KCNIP4: variants seen among roughly 807,000 people sequenced by gnomAD.
The protein encoded by KCNIP4 is potassium voltage-gated channel interacting protein 4, also known as Kv channel-interacting protein 4.
Under a neutral mutation model 34.0 loss-of-function variants are expected in KCNIP4, and 12 were observed. That is an observed-to-expected ratio of 0.35 (90% CI 0.23 to 0.57). The LOEUF is 0.57. Ranked by LOEUF, KCNIP4 falls within the 20% of genes least tolerant of loss-of-function variation. The probability of loss-of-function intolerance (pLI) is 0.83; values close to 1 mark genes in which losing one functional copy is unlikely to be tolerated. For missense variants in KCNIP4, 238 were observed against 311.7 expected, an observed-to-expected ratio of 0.76 and a Z score of 1.78; for synonymous variants, 124 against 102.2, an observed-to-expected ratio of 1.21 and a Z score of -1.29.
At chr4:20,803,336 G>A (rs972238696) in intron 3 of KCNIP4, among the ~76,000 whole-genome samples, 1 of 151,462 alleles carries the variant, frequency 6.6e-6, no homozygotes, top group Non-Finnish European at 1.5e-5. Flanking sequence ...ATAGCCACGT[G>A]CAGTGGCTCA....
At chr4:21,691,260 C>T (rs978431291) in intron 1 of KCNIP4, among the ~76,000 whole-genome samples, 1 of 152,226 alleles carries the variant, frequency 6.6e-6, no homozygotes, top group Non-Finnish European at 1.5e-5. Flanking sequence ...GAAAATGAGA[C>T]CAGCATTTTT....
At chr4:21,575,460 T>A (rs1740681176) in intron 1 of KCNIP4, among the ~76,000 whole-genome samples, 1 of 152,142 alleles carries the variant, frequency 6.6e-6, no homozygotes, top group African/African-American at 2.4e-5. Context: ...TAATGTCCAA[T>A]ACCTTACTGC....
intron 1 of KCNIP4, among the ~76,000 whole-genome samples, chr4:21,650,678 A>C (rs1216215925): frequency 1.3e-5 from 2 of 152,196 alleles, no homozygotes; most frequent in African/African-American, 4.8e-5. Context: ...CCTAAAACTT[A>C]GTATCTTAAA....
At chr4:21,314,206 T>C (rs1401451352) in intron 1 of KCNIP4, among the ~76,000 whole-genome samples, 2 of 152,196 alleles carry the variant, frequency 1.3e-5, no homozygotes, top group Non-Finnish European at 2.9e-5. Flanking sequence ...AGAAATGTCT[T>C]CCATGCTTCA....
rs1460787168 is a variant in KCNIP4, at chr4:20,835,557, T to C, written c.288+14986A>G. 5.9e-5 allele frequency among the ~76,000 whole-genome samples: 9 copies of C among 152,276 alleles called. No individual in the cohort carries two copies. In the East Asian group the frequency reaches 1.7e-3, roughly 29 times the overall value. Reference sequence around the variant, plus strand: ...GAGCTGGTTCATTATATGCATTCAATGCATGTTATTTTTCTTACAATTGTT... The same window carrying C: ...GAGCTGGTTCATTATATGCATTCAACGCATGTTATTTTTCTTACAATTGTT... On this transcript the variant is annotated intron_variant, in intron 3 of 8. Coordinates refer to ENST00000382152, the MANE Select transcript of KCNIP4 (RefSeq NM_025221.6).
chr4:21,528,688 AAAGAAAGAAAGAAAGAAAGAAAGAAAG>A (rs1560488993), intron 1 of KCNIP4, among the ~76,000 whole-genome samples: 2 of 2,092 alleles, frequency 9.6e-4, no homozygotes, highest in African/African-American at 2.7e-3. Flanking sequence ...AGAAAGAAAG[AAAGAAAGAAAGAAAGAAAGAAAGAAAG>A]AAAGAAAGAA....
chr4:21,121,748 C>G (rs1449644182), intron 1 of KCNIP4, among the ~76,000 whole-genome samples: 1 of 152,132 alleles, frequency 6.6e-6, no homozygotes, highest in East Asian at 1.9e-4. Flanking sequence ...TTTTGCTTAT[C>G]TAGGTTAATT....
intron 1 of KCNIP4, among the ~76,000 whole-genome samples, chr4:21,230,052 C>T (rs1412294430): frequency 2.0e-5 from 3 of 152,012 alleles, no homozygotes; most frequent in Non-Finnish European, 4.4e-5. Flanking sequence ...ATGACCTCAT[C>T]GTAGATGAAG....
intron 1 of KCNIP4, among the ~76,000 whole-genome samples, chr4:21,773,431 T>A (rs1006042745): frequency 2.0e-5 from 3 of 152,198 alleles, no homozygotes; most frequent in African/African-American, 7.2e-5. Flanking sequence ...GTATACTAGG[T>A]CCACTTGATC....
At chr4:21,941,496 T>TA (rs36004640) in intron 1 of KCNIP4, among the ~76,000 whole-genome samples, 42,308 of 143,940 alleles carry the variant, frequency 0.29, 6,666 homozygotes, top group Non-Finnish European at 0.38. Context: ...AAAGACCTAT[T>TA]AAAAAAAAAA....
chr4:21,754,663 C>A (rs1013275954), intron 1 of KCNIP4, among the ~76,000 whole-genome samples: 6 of 152,128 alleles, frequency 3.9e-5, no homozygotes, highest in African/African-American at 1.4e-4. Flanking sequence ...TTCAAATAAT[C>A]ATTTCTTTAA....
At chr4:21,836,573 G>C (rs1047764913) in intron 1 of KCNIP4, among the ~76,000 whole-genome samples, 1 of 152,130 alleles carries the variant, frequency 6.6e-6, no homozygotes. Context: ...AAAATTTGCA[G>C]TTAACTAGTT....
intron 1 of KCNIP4, among the ~76,000 whole-genome samples, chr4:21,769,686 G>GT (rs1718649110): frequency 6.6e-6 from 1 of 152,010 alleles, no homozygotes. Flanking sequence ...TACACCATTT[G>GT]TTTTTTCTGT....
chr4:21,120,444 A>G (rs1011990641), intron 1 of KCNIP4, among the ~76,000 whole-genome samples: 3 of 152,166 alleles, frequency 2.0e-5, no homozygotes, highest in Non-Finnish European at 2.9e-5. Flanking sequence ...ACACTGCTAT[A>G]AAGAAATACT....
Position 21,813,978 on chromosome 4 carries a change from C to T in KCNIP4, c.61+134593G>A, listed in dbSNP as rs116987589. Among the ~76,000 whole-genome samples the T allele has an allele frequency of 6.6e-5, 10 of 152,114 alleles. No individual in the cohort carries two copies. The East Asian group carries it at 1.9e-3, about 30-fold the overall frequency. On this transcript the variant is annotated intron_variant, in intron 1 of 8. Coordinates refer to ENST00000382152, the MANE Select transcript of KCNIP4 (RefSeq NM_025221.6). Reference sequence around the variant, plus strand: ...ACCTGTCAAAATGCATTGAGTGTCTCCTATCCAGATATTGAGTTAGGTGCT... The same window carrying T: ...ACCTGTCAAAATGCATTGAGTGTCTTCTATCCAGATATTGAGTTAGGTGCT...
At chr4:20,935,032 A>G (rs1009173000) in intron 1 of KCNIP4, among the ~76,000 whole-genome samples, 2 of 152,120 alleles carry the variant, frequency 1.3e-5, no homozygotes, top group Admixed American at 1.3e-4. Flanking sequence ...ATTCCTGTGT[A>G]TGTCCACCTT....
At chr4:21,144,917 C>T (rs566881579) in intron 1 of KCNIP4, among the ~76,000 whole-genome samples, 1 of 151,900 alleles carries the variant, frequency 6.6e-6, no homozygotes, top group Admixed American at 6.6e-5. Flanking sequence ...AATAGGCAAA[C>T]AGGACCAGAT....
intron 3 of KCNIP4, among the ~76,000 whole-genome samples, chr4:20,784,480 CTAGCACAG>C: frequency 6.6e-6 from 1 of 152,296 alleles, no homozygotes; most frequent in East Asian, 1.9e-4. Flanking sequence ...GGTTATTGGA[CTAGCACAG>C]TAGCCAAATT....
At chr4:21,192,345 A>T (rs375523164) in intron 1 of KCNIP4, among the ~76,000 whole-genome samples, 3 of 152,222 alleles carry the variant, frequency 2.0e-5, no homozygotes, top group African/African-American at 7.2e-5. Context: ...GTTTAGAAAC[A>T]TTCTAAGATA....
Sources: gnomAD v4.1 joint callset for allele counts (sites outside exome capture counted in the v4.1 genomes callset) on GRCh38, gnomAD v4.1.1 for gene constraint, MANE v1.5 for transcripts, NCBI Gene and HGNC (gene_info 2026-07-23, HGNC 2026-07-21) for gene names.